The following LMF1 variants were observed in gnomAD, a reference collection of about 807,000 sequenced individuals.
LMF1 encodes lipase maturation factor 1.
In LMF1, 68 loss-of-function variants were observed where a neutral mutation model predicts 60.6. That is an observed-to-expected ratio of 1.12 (90% CI 0.92 to 1.37). The LOEUF is 1.37. Ranked by LOEUF, LMF1 falls within the 40% of genes most tolerant of loss-of-function variation. The pLI, the probability that LMF1 is intolerant of heterozygous loss-of-function variation, is 0.00. For synonymous variants in LMF1, 418 were observed against 324.7 expected, an observed-to-expected ratio of 1.29 and a Z score of -3.09; for missense variants, 948 against 767.2, an observed-to-expected ratio of 1.24 and a Z score of -2.78.
intron 1 of LMF1, among the ~76,000 whole-genome samples, chr16:960,585 AC>A: frequency 9.2e-6 from 1 of 109,068 alleles, no homozygotes; most frequent in Non-Finnish European, 2.0e-5. Context: ...CGGGATCACG[AC>A]CCAGACACAG....
Position 955,698 on chromosome 16 carries a change from C to T in LMF1, c.194-1032G>A, listed in dbSNP as rs574387193. Among the ~76,000 whole-genome samples the T allele has an allele frequency of 1.3e-4, 20 of 152,342 alleles. No individual in the cohort carries two copies. The East Asian group carries it at 3.3e-3, about 25-fold the overall frequency. On this transcript the variant is annotated intron_variant, in intron 1 of 10. Coordinates refer to ENST00000262301, the MANE Select transcript of LMF1 (RefSeq NM_022773.4). ...AGCAGATGCAGTGTGTATACACGCA[C>T]ACACATAGAAGTAAAGTAGACATGT...
chr16:947,400 A>G (rs1220369335), intron 2 of LMF1: 1 of 442,596 alleles, frequency 2.3e-6, no homozygotes, highest in Non-Finnish European at 4.6e-6. Flanking sequence ...ACCTCCTTAC[A>G]TTGAAGTCCT....
intron 3 of LMF1, among the ~76,000 whole-genome samples, chr16:925,504 A>C (rs1221827051): frequency 6.6e-6 from 1 of 152,124 alleles, no homozygotes; most frequent in African/African-American, 2.4e-5. Flanking sequence ...TCAAGAGAGG[A>C]GGACAGTTTG....
At position 954,552 on chromosome 16, in the gene LMF1, C is replaced by A; in HGVS notation, c.308G>T (p.Ser103Ile). The A allele has an allele frequency of 5.6e-6, 9 of 1,613,320 alleles. No individual in the cohort carries two copies. The highest frequency in any genetic ancestry group is 7.6e-6 in the Non-Finnish European group (9 of 1,179,840). Residue 103 changes from serine to isoleucine, a missense_variant, in exon 2 of 11, where the codon AGC (serine) becomes ATC (isoleucine). Coordinates refer to ENST00000262301, the MANE Select transcript of LMF1 (RefSeq NM_022773.4). ...NFQQYFQDRT[S>I]WEVFSYMPTI... ...GGGCATGTAGCTGAAGACTTCCCAG[C>A]TCGTCCTGTCCTGGAAGTACTGCTG... is the stretch of plus-strand genomic sequence containing the variant.
chr16:878,790 A>C lies in LMF1; in HGVS notation c.897+780T>G, dbSNP rs1374487519. Among the ~76,000 whole-genome samples the C allele has an allele frequency of 6.6e-6, 1 of 151,820 alleles. No homozygotes were observed. Among genetic ancestry groups the C allele is most frequent in the Non-Finnish European group, 1.5e-5 (1 of 67,988 alleles). ...GCAGGGGAAGGGGCGTGGGACACCC[A>C]GGTACATCTGTTTTCCAGAGCACGT... On this transcript the variant is annotated intron_variant, in intron 6 of 10. Coordinates refer to ENST00000262301, the MANE Select transcript of LMF1 (RefSeq NM_022773.4). The surrounding 1 kb of genome is among the most constrained non-coding windows in gnomAD (Gnocchi z 5.2).
chr16:978,053 A>G (rs1405976562), intron 1 of LMF1, among the ~76,000 whole-genome samples: 1 of 112,068 alleles, frequency 8.9e-6, no homozygotes. Flanking sequence ...CACACACACA[A>G]ACACACCCAC....
intron 3 of LMF1, among the ~76,000 whole-genome samples, chr16:915,360 C>G (rs1283330654): frequency 1.3e-5 from 2 of 152,158 alleles, no homozygotes; most frequent in Admixed American, 1.3e-4. Flanking sequence ...CGGCCGGGGT[C>G]CCTCACTCCG....
chr16:868,758 G>A (rs898267366), intron 10 of LMF1, among the ~76,000 whole-genome samples, 186 bp downstream of exon 10: 2 of 117,448 alleles, frequency 1.7e-5, no homozygotes, highest in African/African-American at 3.3e-5. Flanking sequence ...CAGCCTTGAT[G>A]CCAAGGCTGA....
intron 2 of LMF1, among the ~76,000 whole-genome samples, chr16:949,128 A>G (rs2072354043): frequency 6.7e-6 from 1 of 150,190 alleles, no homozygotes; most frequent in Non-Finnish European, 1.5e-5. Flanking sequence ...GAGTCAGCCA[A>G]CGACAGAGTT....
intron 3 of LMF1, among the ~76,000 whole-genome samples, chr16:929,592 GAATATC>G (rs1015650883): frequency 1.2e-4 from 19 of 152,360 alleles, no homozygotes; most frequent in African/African-American, 4.6e-4. Context: ...CAGGCTCACT[GAATATC>G]AAAAGGTGCA....
chr16:896,536 G>T (rs2070666238), intron 4 of LMF1, among the ~76,000 whole-genome samples: 1 of 152,192 alleles, frequency 6.6e-6, no homozygotes, highest in South Asian at 2.1e-4. Context: ...TTCCCGCTTG[G>T]GCTCCTGTTC....
chr16:860,560 C>G (rs1260049861), intron 10 of LMF1, among the ~76,000 whole-genome samples: 1 of 152,158 alleles, frequency 6.6e-6, no homozygotes, highest in Middle Eastern at 3.4e-3. Context: ...AGGCTGGTCT[C>G]AAACTCCTGA....
At chr16:976,988 G>A (rs577646213) in intron 1 of LMF1, 20 of 453,874 alleles carry the variant, frequency 4.4e-5, no homozygotes, top group Admixed American at 1.6e-4. Flanking sequence ...CTCGTCCTCC[G>A]TGGAGGTCGG....
rs1301808803 is a variant in LMF1 at position 878,794 on chromosome 16, A to C, written c.897+776T>G. Among the ~76,000 whole-genome samples, 5 of 152,040 alleles carry C rather than the reference A, an allele frequency of 3.3e-5. No homozygotes were observed. The highest frequency in any genetic ancestry group is 3.3e-4 in the Admixed American group (5 of 15,278). On this transcript the variant is annotated intron_variant, in intron 6 of 10. Transcript: ENST00000262301. This position sits in a 1 kb window ranked among gnomAD's most constrained non-coding sequence, Gnocchi z 5.2. ...GGGAAGGGGCGTGGGACACCCAGGTACATCTGTTTTCCAGAGCACGTGGAA... is the reference window on the plus strand; with the variant it reads ...GGGAAGGGGCGTGGGACACCCAGGTCCATCTGTTTTCCAGAGCACGTGGAA...
chr16:910,149 A>G (rs1199586372), intron 4 of LMF1, among the ~76,000 whole-genome samples: 1 of 152,230 alleles, frequency 6.6e-6, no homozygotes, highest in Non-Finnish European at 1.5e-5. Flanking sequence ...GCAGACGTCA[A>G]AAGGACCACG....
At chr16:951,775 A>G (rs1189797217) in intron 2 of LMF1, among the ~76,000 whole-genome samples, 1 of 152,238 alleles carries the variant, frequency 6.6e-6, no homozygotes, top group Non-Finnish European at 1.5e-5. Flanking sequence ...TGAAGACTGC[A>G]GAGCGACGTC....
chr16:933,937 G>A (rs565751844), intron 3 of LMF1: 8 of 1,383,568 alleles, frequency 5.8e-6, no homozygotes, highest in Non-Finnish European at 7.6e-6. Flanking sequence ...CGTCCACGGG[G>A]GATGGGCCTG....
At chr16:976,807 T>G (rs561144038) in intron 1 of LMF1, 95 of 454,142 alleles carry the variant, frequency 2.1e-4, no homozygotes, top group African/African-American at 1.9e-3. Flanking sequence ...AGTGCTGGTC[T>G]CCACGCTTTG....
intron 3 of LMF1, among the ~76,000 whole-genome samples, chr16:913,566 C>G (rs1181792794): frequency 6.6e-6 from 1 of 152,228 alleles, no homozygotes; most frequent in East Asian, 1.9e-4. Flanking sequence ...CCAGGCACAG[C>G]TGGGCACTGG....
Sources: gnomAD v4.1 joint callset for allele counts (sites outside exome capture counted in the v4.1 genomes callset) on GRCh38, gnomAD v4.1.1 for gene constraint, Gnocchi (gnomAD v3.1) non-coding constraint, MANE v1.5 for transcripts, NCBI Gene and HGNC (gene_info 2026-07-23, HGNC 2026-07-21) for gene names.